The following ATP6V1C1 variants were observed in gnomAD, a reference collection of about 807,000 sequenced individuals.
The protein encoded by ATP6V1C1 is ATPase H+ transporting V1 subunit C1, also known as V-type proton ATPase subunit C 1.
Under a neutral mutation model 53.9 loss-of-function variants are expected in ATP6V1C1, and 45 were observed. The ratio of observed to expected loss-of-function variants is 0.83; its 90% CI spans 0.66 to 1.07. The LOEUF (loss-of-function observed/expected upper bound fraction) is 1.07. Ranked by LOEUF, ATP6V1C1 falls within the 50% of genes least tolerant of loss-of-function variation. The pLI is 0.00. For missense variants in ATP6V1C1, 315 were observed against 440.3 expected (o/e 0.72, Z 2.55); for synonymous variants, 153 against 155.2 (o/e 0.99, Z 0.11).
chr8:103,054,044 G>A lies in ATP6V1C1; in HGVS notation c.572+62G>A, dbSNP rs569991861. ...AATACAAGAAAAATGTTAGTATCTA[G>A]TATTGTAGTTTGAAGTTTTCCATAA... On this transcript the variant is annotated intron_variant, in intron 7 of 12. Coordinates refer to ENST00000518738, the MANE Select transcript of ATP6V1C1 (RefSeq NM_001695.5). 2.3e-6 allele frequency: 3 copies of A among 1,323,304 alleles called. No individual in the cohort carries two copies. In the African/African-American group the frequency reaches 4.5e-5, roughly 20 times the overall value. 82.0% of individuals were successfully genotyped at this position (1,323,304 alleles called of 1,614,324 possible).
At chr8:103,030,667 T>C (rs1225703349) in intron 1 of ATP6V1C1, among the ~76,000 whole-genome samples, 2 of 152,050 alleles carry the variant, frequency 1.3e-5, no homozygotes, top group East Asian at 3.8e-4. Context: ...TCTTGCTGAG[T>C]CGAGGAGACT....
At position 103,053,759 on chromosome 8, in the gene ATP6V1C1, GT is replaced by G. The variant is rs1337785346; in HGVS notation, c.474-123del. On this transcript the variant is annotated intron_variant, in intron 6 of 12. Coordinates refer to ENST00000518738, the MANE Select transcript of ATP6V1C1 (RefSeq NM_001695.5). ...TGGTGACTTCTTACAAAGTAAAAAT[GT>G]TGACTAAGACTAATCCCTCTCAATG... 6.1e-6 allele frequency: 4 copies of G among 656,878 alleles called. No homozygotes were observed. The Admixed American group carries it at 1.4e-4, about 23-fold the overall frequency. The allele number at this position is 656,878 out of a possible 1,614,324, so 40.7% of individuals were successfully genotyped here. A position where few individuals can be genotyped will look rare whatever the true frequency, so the allele number is the denominator to read the frequency against.
chr8:103,056,277 A>AT (rs1817287566), intron 8 of ATP6V1C1, among the ~76,000 whole-genome samples: 1 of 152,132 alleles, frequency 6.6e-6, no homozygotes, highest in Non-Finnish European at 1.5e-5. Flanking sequence ...TTCTTTATTC[A>AT]TTATTGCATA....
chr8:103,056,009 T>C, intron 8 of ATP6V1C1, 73 bp downstream of exon 8: 1 of 1,426,344 alleles, frequency 7.0e-7, no homozygotes, highest in Non-Finnish European at 9.8e-7. Flanking sequence ...GCTTAGGAAA[T>C]ATGTTTGCTG....
At chr8:103,041,769 G>A (rs1348553087) in intron 2 of ATP6V1C1, among the ~76,000 whole-genome samples, 2 of 152,146 alleles carry the variant, frequency 1.3e-5, no homozygotes, top group East Asian at 1.9e-4. Flanking sequence ...CTACTTGGGA[G>A]GCTGAGGCAA....
intron 11 of ATP6V1C1, among the ~76,000 whole-genome samples, chr8:103,065,335 T>C (rs1817469563): frequency 6.6e-6 from 1 of 152,118 alleles, no homozygotes; most frequent in Non-Finnish European, 1.5e-5. Context: ...GGCAGGCAGA[T>C]CACGAGGTCC....
chr8:103,069,577 A>G lies in ATP6V1C1; in HGVS notation c.*830A>G, dbSNP rs1376734506. The G allele has an allele frequency of 6.6e-6, 1 of 152,192 alleles. No homozygotes were observed. Among genetic ancestry groups the G allele is most frequent in the Non-Finnish European group, 1.5e-5 (1 of 68,032 alleles). 9.4% of individuals were successfully genotyped at this position (152,192 alleles called of 1,614,324 possible). A position where few individuals can be genotyped will look rare whatever the true frequency, so the allele number is the denominator to read the frequency against. On this transcript the variant is annotated 3_prime_UTR_variant, in exon 13 of 13. Coordinates refer to ENST00000518738, the MANE Select transcript of ATP6V1C1 (RefSeq NM_001695.5). ...CTAGCAGAACTATGCAGCTTTAGTC[A>G]TTTGTTTTGTCTAAGTCTGTATTTT... is the stretch of plus-strand genomic sequence containing the variant.
chr8:103,056,283 G>A (rs2131398555), intron 8 of ATP6V1C1, among the ~76,000 whole-genome samples: 1 of 152,198 alleles, frequency 6.6e-6, no homozygotes, highest in East Asian at 1.9e-4. Context: ...ATTCATTATT[G>A]CATACCTACT....
chr8:103,063,438 A>G (rs1002035690), intron 10 of ATP6V1C1, among the ~76,000 whole-genome samples: 1 of 152,162 alleles, frequency 6.6e-6, no homozygotes, highest in Non-Finnish European at 1.5e-5. Flanking sequence ...GCTTTCTTCT[A>G]AAGCTTATGT....
At chr8:103,041,538 A>T (rs1229041133) in intron 2 of ATP6V1C1, among the ~76,000 whole-genome samples, 1 of 85,094 alleles carries the variant, frequency 1.2e-5, no homozygotes, top group Non-Finnish European at 2.9e-5. Flanking sequence ...TAACTGAATG[A>T]GGGAGTCGTA....
At chr8:103,054,523 G>C (rs1035187254) in intron 7 of ATP6V1C1, among the ~76,000 whole-genome samples, 6 of 152,094 alleles carry the variant, frequency 3.9e-5, no homozygotes, top group African/African-American at 1.4e-4. Context: ...ATATGTGAAC[G>C]AATGAATGTG....
chr8:103,053,809 A>G, intron 6 of ATP6V1C1, 75 bp from the exon 7 acceptor site: 2 of 1,082,366 alleles, frequency 1.8e-6, no homozygotes, highest in Non-Finnish European at 2.8e-6. Flanking sequence ...TGTGAAAATG[A>G]TTAGCCTGCT....
intron 1 of ATP6V1C1, among the ~76,000 whole-genome samples, chr8:103,035,277 T>TG (rs1816874197): frequency 1.3e-5 from 2 of 152,090 alleles, no homozygotes; most frequent in East Asian, 1.9e-4. Context: ...TGATTTTTTT[T>TG]GCGTTTATCT....
intron 3 of ATP6V1C1, among the ~76,000 whole-genome samples, chr8:103,043,112 AAG>A (rs1410127842): frequency 6.6e-6 from 1 of 152,132 alleles, no homozygotes; most frequent in Non-Finnish European, 1.5e-5. Context: ...GTATGTACCT[AAG>A]AGTGGAATTT....
intron 3 of ATP6V1C1, among the ~76,000 whole-genome samples, chr8:103,047,787 G>A (rs1187720003): frequency 6.6e-6 from 1 of 152,150 alleles, no homozygotes; most frequent in Non-Finnish European, 1.5e-5. Context: ...TTCTTCCCAT[G>A]TAATCATCCT....
chr8:103,023,150 C>T (rs1476196662), intron 1 of ATP6V1C1, among the ~76,000 whole-genome samples: 1 of 152,130 alleles, frequency 6.6e-6, no homozygotes, highest in African/African-American at 2.4e-5. Context: ...TTTTGAAAGG[C>T]TAGCATGGCT....
chr8:103,054,030 A>G, intron 7 of ATP6V1C1, 48 bp downstream of exon 7: 1 of 1,437,314 alleles, frequency 7.0e-7, no homozygotes, highest in Non-Finnish European at 9.7e-7. Flanking sequence ...ATACAAGAAA[A>G]ATGTTAGTAT....
At chr8:103,023,050 C>G (rs559395527) in intron 1 of ATP6V1C1, among the ~76,000 whole-genome samples, 6 of 152,146 alleles carry the variant, frequency 3.9e-5, no homozygotes, top group Non-Finnish European at 8.8e-5. Flanking sequence ...TAGACCCTGT[C>G]TCTGAAAAAC....
chr8:103,026,612 A>AT (rs1266594816), intron 1 of ATP6V1C1, among the ~76,000 whole-genome samples: 3 of 152,218 alleles, frequency 2.0e-5, no homozygotes, highest in African/African-American at 4.8e-5. Context: ...CAGGAGTTCA[A>AT]GACCAGCCTG....
Sources: allele counts gnomAD v4.1 joint callset (sites outside exome capture counted in the v4.1 genomes callset), GRCh38; gene constraint gnomAD v4.1.1; transcripts MANE v1.5; gene names NCBI Gene and HGNC (gene_info 2026-07-23, HGNC 2026-07-21).